The following GALNTL6 variants were observed in gnomAD, a reference collection of about 807,000 sequenced individuals.
The protein encoded by GALNTL6 is polypeptide N-acetylgalactosaminyltransferase-like 6.
GALNTL6 carries 46 observed loss-of-function variants against 73.7 expected under a neutral mutation model. The ratio of observed to expected loss-of-function variants is 0.62; its 90% CI spans 0.49 to 0.80. The LOEUF (loss-of-function observed/expected upper bound fraction) is 0.80, where lower values mean the gene tolerates loss of function less well. Ranked by LOEUF, GALNTL6 falls within the 30% of genes least tolerant of loss-of-function variation. The probability of loss-of-function intolerance (pLI) is 0.00; values close to 1 mark genes in which losing one functional copy is unlikely to be tolerated. For missense variants in GALNTL6, 604 were observed against 755.0 expected, an observed-to-expected ratio of 0.80 and a Z score of 2.34; for synonymous variants, 259 against 263.7, an observed-to-expected ratio of 0.98 and a Z score of 0.17.
chr4:172,587,703 G>A (rs1254862557), intron 5 of GALNTL6, among the ~76,000 whole-genome samples: 2 of 152,086 alleles, frequency 1.3e-5, no homozygotes, highest in South Asian at 2.1e-4. Flanking sequence ...TTCCAGGATC[G>A]GCTCTAGCAA....
chr4:171,822,820 G>A (rs1734720948), intron 2 of GALNTL6, among the ~76,000 whole-genome samples: 1 of 152,090 alleles, frequency 6.6e-6, no homozygotes, highest in African/African-American at 2.4e-5. Flanking sequence ...ATATAAGGCT[G>A]GATTACATGG....
At chr4:172,644,425 T>C (rs1487439073) in intron 5 of GALNTL6, among the ~76,000 whole-genome samples, 1 of 151,984 alleles carries the variant, frequency 6.6e-6, no homozygotes, top group Non-Finnish European at 1.5e-5. Flanking sequence ...AAGAGGTTAC[T>C]ATTTTGACTT....
At chr4:172,155,138 C>G (rs912740922) in intron 2 of GALNTL6, among the ~76,000 whole-genome samples, 1 of 152,032 alleles carries the variant, frequency 6.6e-6, no homozygotes, top group Non-Finnish European at 1.5e-5. Flanking sequence ...GTTGGGATTA[C>G]AGGAGCCTGC....
intron 5 of GALNTL6, among the ~76,000 whole-genome samples, chr4:172,488,534 G>A (rs1733778315): frequency 6.6e-6 from 1 of 152,210 alleles, no homozygotes; most frequent in African/African-American, 2.4e-5. Context: ...GCCCAGCACA[G>A]TAAGACAGCT....
chr4:172,725,604 G>C (rs544783787), intron 5 of GALNTL6, among the ~76,000 whole-genome samples: 1 of 152,184 alleles, frequency 6.6e-6, no homozygotes, highest in Non-Finnish European at 1.5e-5. Context: ...TAAAAATTGG[G>C]TTGAAAATAT....
chr4:172,977,918 C>A (rs1388010798), intron 10 of GALNTL6, among the ~76,000 whole-genome samples: 2 of 152,180 alleles, frequency 1.3e-5, no homozygotes, highest in African/African-American at 2.4e-5. Flanking sequence ...CAGCTCACTG[C>A]AGCCTCTGCC....
chr4:172,316,589 C>G (rs979120929), intron 4 of GALNTL6, among the ~76,000 whole-genome samples: 2 of 152,174 alleles, frequency 1.3e-5, no homozygotes, highest in African/African-American at 4.8e-5. Flanking sequence ...CTAAGAGAAT[C>G]TTTACAACCT....
chr4:172,875,146 C>A (rs979957316), intron 7 of GALNTL6, among the ~76,000 whole-genome samples: 4 of 152,228 alleles, frequency 2.6e-5, no homozygotes, highest in African/African-American at 9.6e-5. Flanking sequence ...TGAAGCGCTG[C>A]TATCACACAG....
At chr4:172,359,862 C>G (rs1742302409) in intron 5 of GALNTL6, among the ~76,000 whole-genome samples, 1 of 152,122 alleles carries the variant, frequency 6.6e-6, no homozygotes, top group Admixed American at 6.6e-5. Flanking sequence ...AGTAGTGGCA[C>G]CTCTACTCTA....
At chr4:172,611,845 A>T (rs1579241975) in intron 5 of GALNTL6, among the ~76,000 whole-genome samples, 2 of 152,178 alleles carry the variant, frequency 1.3e-5, no homozygotes, top group Admixed American at 1.3e-4. Context: ...CTGATTGTTT[A>T]CACATAATGC....
intron 8 of GALNTL6, among the ~76,000 whole-genome samples, chr4:172,902,546 A>G (rs1438924502): frequency 6.6e-6 from 1 of 152,184 alleles, no homozygotes; most frequent in East Asian, 1.9e-4. Flanking sequence ...TGGGCCATCT[A>G]TAATTCCAGG....
chr4:172,094,699 T>C (rs1362827500), intron 2 of GALNTL6, among the ~76,000 whole-genome samples: 1 of 152,136 alleles, frequency 6.6e-6, no homozygotes, highest in East Asian at 1.9e-4. Context: ...ATTCTCTTCA[T>C]TTATTTCCCA....
Position 171,813,603 on chromosome 4 carries a change from G to A in GALNTL6, c.-557G>A, listed in dbSNP as rs559716316. On this transcript the variant is annotated 5_prime_UTR_variant, in exon 1 of 13. Transcript: ENST00000506823. The surrounding 1 kb of genome is among the most constrained non-coding windows in gnomAD (Gnocchi z 5.2). ...GATCAAAAAATATTGCCCTTTAGGT[G>A]CTCGTGATGGTCCTGTGGGTTCGTT... 1 of 152,354 alleles carries A rather than the reference G, an allele frequency of 6.6e-6. No homozygotes were observed. The highest frequency in any genetic ancestry group is 1.5e-5 in the Non-Finnish European group (1 of 68,132). The allele number at this position is 152,354 out of a possible 1,614,324, so 9.4% of individuals were successfully genotyped here. A position where few individuals can be genotyped will look rare whatever the true frequency, so the allele number is the denominator to read the frequency against.
intron 5 of GALNTL6, among the ~76,000 whole-genome samples, chr4:172,658,136 C>T (rs1384746548): frequency 8.3e-5 from 4 of 48,284 alleles, no homozygotes; most frequent in Non-Finnish European, 1.2e-4. Context: ...GGTGACAGAG[C>T]GAGACTCCGT....
chr4:172,633,773 G>A lies in GALNTL6; in HGVS notation c.554-175588G>A, dbSNP rs543319705. 2.6e-5 allele frequency among the ~76,000 whole-genome samples: 4 copies of A among 152,304 alleles called. No homozygotes were observed. In the South Asian group the frequency reaches 8.3e-4, roughly 32 times the overall value. On this transcript the variant is annotated intron_variant, in intron 5 of 12. Transcript: ENST00000506823. ...ATTGTAATTATCCCCATGTGTCAAG[G>A]ACAGGGCCGGGTGGAGATGATTGAA...
At chr4:172,193,225 C>T (rs1035348908) in intron 2 of GALNTL6, among the ~76,000 whole-genome samples, 6 of 152,204 alleles carry the variant, frequency 3.9e-5, no homozygotes, top group African/African-American at 1.4e-4. Flanking sequence ...GGGTGAGACC[C>T]CCCACCGACA....
intron 10 of GALNTL6, among the ~76,000 whole-genome samples, chr4:172,965,314 C>CAGTG (rs1375380519): frequency 6.6e-6 from 1 of 152,196 alleles, no homozygotes; most frequent in Non-Finnish European, 1.5e-5. Context: ...TGTCCAGGCG[C>CAGTG]AGTGGCTCAT....
At chr4:172,258,995 G>T (rs1254715972) in intron 3 of GALNTL6, among the ~76,000 whole-genome samples, 1 of 150,856 alleles carries the variant, frequency 6.6e-6, no homozygotes, top group Non-Finnish European at 1.5e-5. Context: ...CTACTTGTTG[G>T]TTGATGGGCA....
At position 171,908,156 on chromosome 4, in the gene GALNTL6, A is replaced by G. The variant is rs549867353; in HGVS notation, c.138+93438A>G. Among the ~76,000 whole-genome samples the G allele has an allele frequency of 3.7e-4, 57 of 152,350 alleles. 1 individual carries two copies. The South Asian group carries it at 0.011, about 28-fold the overall frequency. ...CAAAACTGACAAATGGGATCTAATTAAACTAAAGAGCTTCTGCACAGCAAA... is the reference window on the plus strand; with the variant it reads ...CAAAACTGACAAATGGGATCTAATTGAACTAAAGAGCTTCTGCACAGCAAA... On this transcript the variant is annotated intron_variant, in intron 2 of 12. Transcript: ENST00000506823.
Sources: gnomAD v4.1 joint callset for allele counts (sites outside exome capture counted in the v4.1 genomes callset) on GRCh38, gnomAD v4.1.1 for gene constraint, Gnocchi (gnomAD v3.1) non-coding constraint, MANE v1.5 for transcripts, NCBI Gene and HGNC (gene_info 2026-07-23, HGNC 2026-07-21) for gene names.